DAPK2: variants seen among roughly 807,000 people sequenced by gnomAD.
DAPK2 encodes death associated protein kinase 2, also known as death-associated protein kinase 2.
DAPK2 carries 35 observed loss-of-function variants against 44.1 expected under a neutral mutation model. That is an observed-to-expected ratio of 0.79 (90% CI 0.61 to 1.05). The LOEUF is 1.05. Ranked by LOEUF, DAPK2 falls within the 50% of genes least tolerant of loss-of-function variation. DAPK2 has a pLI of 0.00. For synonymous variants in DAPK2, 174 were observed against 182.6 expected, an observed-to-expected ratio of 0.95 and a Z score of 0.38; for missense variants, 453 against 483.2, an observed-to-expected ratio of 0.94 and a Z score of 0.59.
chr15:64,005,565 C>A (rs1339495961), intron 1 of DAPK2, among the ~76,000 whole-genome samples: 3 of 151,986 alleles, frequency 2.0e-5, no homozygotes, highest in African/African-American at 7.3e-5. Context: ...GGGCTTATAC[C>A]AATCTGCCCA....
At chr15:63,975,520 T>C (rs1348012076) in intron 2 of DAPK2, among the ~76,000 whole-genome samples, 1 of 151,856 alleles carries the variant, frequency 6.6e-6, no homozygotes, top group Non-Finnish European at 1.5e-5. Flanking sequence ...CCATAGCTAG[T>C]AAATAGAGTC....
Position 63,952,991 on chromosome 15 carries a change from AT to A in DAPK2, c.454-13631del, listed in dbSNP as rs2077632477. 2.0e-5 allele frequency among the ~76,000 whole-genome samples: 3 copies of A among 151,768 alleles called. No individual in the cohort carries two copies. In the South Asian group the frequency reaches 6.2e-4, roughly 32 times the overall value. On this transcript the variant is annotated intron_variant, in intron 3 of 10. Coordinates refer to ENST00000261891, the Ensembl canonical transcript of DAPK2. ...CCTTCTGAGGCTCTGGCAACCAGAA[AT>A]TTTATTTCCATGGGCTTTGGGGGAA...
chr15:64,039,045 G>A (rs191487036), intron 1 of DAPK2, among the ~76,000 whole-genome samples: 147 of 152,276 alleles, frequency 9.7e-4, no homozygotes, highest in African/African-American at 3.4e-3. Flanking sequence ...GAGTTGTCCC[G>A]CCCTTCCAGA....
intron 2 of DAPK2, among the ~76,000 whole-genome samples, chr15:63,974,572 G>A (rs1475994011): frequency 6.6e-6 from 1 of 152,188 alleles, no homozygotes; most frequent in African/African-American, 2.4e-5. Flanking sequence ...AAGGGTTATG[G>A]AGACCAAGGT....
intron 6 of DAPK2, 87 bp downstream of exon 7, chr15:63,929,464 G>C: frequency 1.3e-6 from 2 of 1,544,940 alleles, no homozygotes; most frequent in African/African-American, 2.7e-5. Flanking sequence ...CTTAGTAAAT[G>C]TCAGTCTATC....
intron 3 of DAPK2, among the ~76,000 whole-genome samples, chr15:63,965,095 G>A (rs1223528888): frequency 6.6e-6 from 1 of 152,170 alleles, no homozygotes; most frequent in Non-Finnish European, 1.5e-5. Context: ...ATTTGGGAAG[G>A]CTTTCCAGAT....
chr15:63,972,415 A>T (rs1430612407), intron 2 of DAPK2, among the ~76,000 whole-genome samples: 1 of 152,228 alleles, frequency 6.6e-6, no homozygotes, highest in East Asian at 1.9e-4. Flanking sequence ...GGGATCACAA[A>T]GAGAGGAGAT....
intron 1 of DAPK2, among the ~76,000 whole-genome samples, chr15:64,019,143 T>C (rs2079615022): frequency 6.6e-6 from 1 of 152,172 alleles, no homozygotes; most frequent in Non-Finnish European, 1.5e-5. Context: ...CCAGAACTGA[T>C]TGCTCCCACC....
intron 1 of DAPK2, among the ~76,000 whole-genome samples, chr15:64,036,684 T>C (rs1178577401): frequency 6.6e-6 from 1 of 152,110 alleles, no homozygotes; most frequent in Non-Finnish European, 1.5e-5. Context: ...TTGTTCATTT[T>C]CATTTTTGCA....
At chr15:63,985,452 A>T (rs2078643167) in intron 1 of DAPK2, among the ~76,000 whole-genome samples, 2 of 152,182 alleles carry the variant, frequency 1.3e-5, no homozygotes. Context: ...CCGAGCTTCC[A>T]GGCCCGGGTG....
chr15:63,983,693 T>C (rs759435234), exon 2 of DAPK2: 1 of 1,613,836 alleles, frequency 6.2e-7, no homozygotes, highest in South Asian at 1.1e-5. Context: ...TTGATGAACT[T>C]GGCTGCATAC....
intron 1 of DAPK2, among the ~76,000 whole-genome samples, chr15:63,984,479 G>A (rs2078616936): frequency 6.6e-6 from 1 of 152,168 alleles, no homozygotes; most frequent in African/African-American, 2.4e-5. Flanking sequence ...TGGCAGAGTG[G>A]CAGGCAGCCC....
At chr15:63,983,574 G>T (rs201638173) in exon 2 of DAPK2, 7 of 1,614,046 alleles carry the variant, frequency 4.3e-6, no homozygotes, top group African/African-American at 1.3e-5. Context: ...TCTCATAGAC[G>T]TCGTGCAGCG....
chr15:63,939,278 T>G lies in DAPK2; in HGVS notation c.537A>C (p.Glu179Asp). The G allele has an allele frequency of 3.1e-6, 5 of 1,614,122 alleles. No homozygotes were observed. The highest frequency in any genetic ancestry group is 4.2e-6 in the Non-Finnish European group (5 of 1,180,038). ...AAATATTCTTAAATTCAACTCCATC[T>G]TCTATTTCGTGAGCCAGACCAAAGT... The change falls in exon 4 of 11, where the codon GAA becomes GAC. Residue 179 changes from glutamate to aspartate, a missense_variant. Coordinates refer to ENST00000261891, the Ensembl canonical transcript of DAPK2. This position sits in a 1 kb window ranked among gnomAD's most constrained non-coding sequence, Gnocchi z 4.3.
chr15:63,910,643 T>C (rs2078762173), intron 10 of DAPK2: 1 of 152,408 alleles, frequency 6.6e-6, no homozygotes, highest in Admixed American at 6.5e-5. Flanking sequence ...TGGGCTCAAG[T>C]GATCCTCCCA....
intron 1 of DAPK2, among the ~76,000 whole-genome samples, chr15:64,003,386 T>G (rs2079148637): frequency 6.6e-6 from 1 of 152,214 alleles, no homozygotes; most frequent in African/African-American, 2.4e-5. Context: ...TCATAGGCAG[T>G]GCATTGCTCT....
chr15:63,977,114 A>T (rs113570173), intron 2 of DAPK2, among the ~76,000 whole-genome samples: 1 of 152,112 alleles, frequency 6.6e-6, no homozygotes, highest in Non-Finnish European at 1.5e-5. Flanking sequence ...GAGAAGGGGA[A>T]GGGGGAAGGT....
chr15:63,964,223 T>A (rs1430073009), intron 3 of DAPK2, among the ~76,000 whole-genome samples: 1 of 152,214 alleles, frequency 6.6e-6, no homozygotes, highest in Non-Finnish European at 1.5e-5. Context: ...CTGGATATAC[T>A]ATTCTAGAAT....
rs1015086541 is a variant in DAPK2 at position 63,966,124 on chromosome 15, G to C, written c.453+5299C>G. Among the ~76,000 whole-genome samples, 1 of 152,062 alleles carries C rather than the reference G, an allele frequency of 6.6e-6. No individual in the cohort carries two copies. Among genetic ancestry groups the C allele is most frequent in the Non-Finnish European group, 1.5e-5 (1 of 67,996 alleles). On this transcript the variant is annotated intron_variant, in intron 3 of 10. Transcript: ENST00000261891. The surrounding 1 kb of genome is among the most constrained non-coding windows in gnomAD (Gnocchi z 5.5). ...TCACTGCTGACTATTCAGGGCCCAG[G>C]GCCTCTGTAGTCAGCAGGTGATGAA... is the stretch of plus-strand genomic sequence containing the variant.
Sources: allele counts gnomAD v4.1 joint callset (sites outside exome capture counted in the v4.1 genomes callset), GRCh38; gene constraint gnomAD v4.1.1; non-coding constraint Gnocchi (gnomAD v3.1); transcripts MANE v1.5; gene names NCBI Gene and HGNC (gene_info 2026-07-23, HGNC 2026-07-21).